Variants in PSD3 observed in about 807,000 individuals in gnomAD.
PSD3 encodes the protein pleckstrin and Sec7 domain containing 3.
PSD3 carries 49 observed loss-of-function variants against 105.5 expected under a neutral mutation model. The observed-to-expected ratio is 0.46, with a 90% CI of 0.37 to 0.59. The LOEUF (loss-of-function observed/expected upper bound fraction) is 0.59. Among genes scored for constraint, PSD3 ranks in the 20% least tolerant of loss-of-function variants. The pLI, the probability that PSD3 is intolerant of heterozygous loss-of-function variation, is 0.00. For missense variants in PSD3, 1,561 were observed against 1,263.8 expected (o/e 1.24, Z -3.57); for synonymous variants, 557 against 457.8 (o/e 1.22, Z -2.77).
chr8:18,684,147 T>C, intron 9 of PSD3: 1 of 443,904 alleles, frequency 2.3e-6, no homozygotes, highest in South Asian at 3.5e-5. Flanking sequence ...ACAGCTCACG[T>C]CACTGGCTGC....
chr8:19,051,744 G>A (rs994674816), intron 1 of PSD3, among the ~76,000 whole-genome samples: 6 of 152,194 alleles, frequency 3.9e-5, no homozygotes, highest in Non-Finnish European at 8.8e-5. Flanking sequence ...ACTGCTGGCA[G>A]GGGTTACATT....
intron 4 of PSD3, among the ~76,000 whole-genome samples, chr8:18,855,848 T>C (rs1815968920): frequency 6.6e-6 from 1 of 152,210 alleles, no homozygotes; most frequent in East Asian, 1.9e-4. Context: ...TCTGAAATAC[T>C]TTTATTTCCT....
chr8:18,925,389 G>GTA (rs34212482), intron 2 of PSD3, among the ~76,000 whole-genome samples: 16,556 of 147,640 alleles, frequency 0.11, 1,083 homozygotes, highest in East Asian at 0.23. Flanking sequence ...ATCTCTAAAA[G>GTA]TATATATATA....
At chr8:18,787,367 T>C (rs1424422550) in intron 8 of PSD3, among the ~76,000 whole-genome samples, 1 of 152,202 alleles carries the variant, frequency 6.6e-6, no homozygotes, top group African/African-American at 2.4e-5. Flanking sequence ...AATGGTACCT[T>C]GAAATCAATA....
chr8:18,871,329 T>G (rs539272123), intron 3 of PSD3, among the ~76,000 whole-genome samples: 2 of 152,268 alleles, frequency 1.3e-5, no homozygotes, highest in South Asian at 2.1e-4. Flanking sequence ...TTGAAATCTG[T>G]CAAATGTTAA....
intron 14 of PSD3, among the ~76,000 whole-genome samples, chr8:18,565,305 G>C (rs890965362): frequency 6.6e-6 from 1 of 151,842 alleles, no homozygotes; most frequent in Non-Finnish European, 1.5e-5. Flanking sequence ...TGTTTGGAGA[G>C]CTACACCAGA....
chr8:18,738,263 G>A (rs1359175531), intron 9 of PSD3, among the ~76,000 whole-genome samples: 1 of 152,128 alleles, frequency 6.6e-6, no homozygotes, highest in Non-Finnish European at 1.5e-5. Flanking sequence ...AGAAGGACAA[G>A]TAGCTGTCCT....
At chr8:18,878,105 C>A (rs544430525) in intron 2 of PSD3, among the ~76,000 whole-genome samples, 16 of 152,244 alleles carry the variant, frequency 1.1e-4, no homozygotes, top group South Asian at 2.1e-4. Flanking sequence ...CATGGGCTGT[C>A]TTTTCACTTA....
chr8:18,887,400 G>A (rs1398074441), intron 2 of PSD3, among the ~76,000 whole-genome samples: 1 of 152,068 alleles, frequency 6.6e-6, no homozygotes, highest in Non-Finnish European at 1.5e-5. Context: ...TGTGACATGA[G>A]AAGACTCAAA....
chr8:18,983,304 T>C (rs1825334286), intron 1 of PSD3, among the ~76,000 whole-genome samples: 3 of 152,208 alleles, frequency 2.0e-5, no homozygotes, highest in South Asian at 2.1e-4. Flanking sequence ...ATGACTCAGA[T>C]TTGCTCCATA....
At chr8:19,040,078 C>G (rs1323021894) in intron 1 of PSD3, among the ~76,000 whole-genome samples, 1 of 152,188 alleles carries the variant, frequency 6.6e-6, no homozygotes, top group Non-Finnish European at 1.5e-5. Flanking sequence ...TGAACGGAAA[C>G]AGCCTTTCAG....
At chr8:19,034,958 G>A (rs1320631575) in intron 1 of PSD3, among the ~76,000 whole-genome samples, 3 of 152,108 alleles carry the variant, frequency 2.0e-5, no homozygotes, top group Non-Finnish European at 4.4e-5. Flanking sequence ...AAATTTTTTT[G>A]AGGCCTCTTT....
chr8:18,814,924 T>C (rs1053012465), intron 4 of PSD3, among the ~76,000 whole-genome samples: 2 of 152,200 alleles, frequency 1.3e-5, no homozygotes, highest in African/African-American at 2.4e-5. Flanking sequence ...AAGCACAAAG[T>C]AGACATGCCT....
At chr8:18,631,289 C>T (rs1806876278) in intron 11 of PSD3, among the ~76,000 whole-genome samples, 1 of 151,924 alleles carries the variant, frequency 6.6e-6, no homozygotes, top group Admixed American at 6.6e-5. Context: ...CAAGAACTCC[C>T]ATTCTCTGAG....
At chr8:18,835,842 G>T (rs1342782338) in intron 4 of PSD3, among the ~76,000 whole-genome samples, 1 of 152,214 alleles carries the variant, frequency 6.6e-6, no homozygotes. Context: ...ACAAGAGTGG[G>T]AGGAGATGAG....
intron 11 of PSD3, among the ~76,000 whole-genome samples, chr8:18,609,209 C>T (rs1424982550): frequency 6.6e-6 from 1 of 152,106 alleles, no homozygotes; most frequent in Non-Finnish European, 1.5e-5. Flanking sequence ...GAGAATTAGC[C>T]ATATACACAT....
chr8:18,911,793 ACCC>A (rs1179495930), intron 2 of PSD3, among the ~76,000 whole-genome samples: 1 of 151,980 alleles, frequency 6.6e-6, no homozygotes, highest in Non-Finnish European at 1.5e-5. Context: ...CACACACTCT[ACCC>A]CCCACCACAC....
chr8:18,810,872 G>A (rs1365921821), intron 4 of PSD3, among the ~76,000 whole-genome samples: 1 of 152,154 alleles, frequency 6.6e-6, no homozygotes, highest in Non-Finnish European at 1.5e-5. Context: ...CAAGAGGGCG[G>A]GTACAAACGC....
At chr8:18,616,461 C>G (rs762587667) in intron 11 of PSD3, among the ~76,000 whole-genome samples, 3 of 152,062 alleles carry the variant, frequency 2.0e-5, no homozygotes, top group African/African-American at 7.2e-5. Context: ...TCGTCTGGAT[C>G]TAGGAAAGAT....
Sources: allele counts gnomAD v4.1 joint callset (sites outside exome capture counted in the v4.1 genomes callset), GRCh38; gene constraint gnomAD v4.1.1; transcripts MANE v1.5; gene names NCBI Gene and HGNC (gene_info 2026-07-23, HGNC 2026-07-21).